The following GALNT18 variants were observed in gnomAD, a reference collection of about 807,000 sequenced individuals.
The protein encoded by GALNT18 is polypeptide N-acetylgalactosaminyltransferase 18.
GALNT18 carries 44 observed loss-of-function variants against 69.5 expected under a neutral mutation model. That is an observed-to-expected ratio of 0.63 (90% CI 0.50 to 0.81). The LOEUF is 0.81. Ranked by LOEUF, GALNT18 falls within the 40% of genes least tolerant of loss-of-function variation. GALNT18 has a pLI of 0.00. For missense variants in GALNT18, 715 were observed against 810.0 expected (o/e 0.88, Z 1.42); for synonymous variants, 364 against 318.2 (o/e 1.14, Z -1.53).
chr11:11,609,954 G>A (rs953835583), intron 1 of GALNT18, among the ~76,000 whole-genome samples: 1 of 152,162 alleles, frequency 6.6e-6, no homozygotes, highest in African/African-American at 2.4e-5. Context: ...TGTGGCCTGA[G>A]TGAGTGGAGG....
chr11:11,604,762 C>G lies in GALNT18; in HGVS notation c.235+16597G>C, dbSNP rs1414768950. 6.6e-6 allele frequency among the ~76,000 whole-genome samples: 1 copy of G among 152,146 alleles called. No homozygotes were observed. On this transcript the variant is annotated intron_variant, in intron 1 of 10. Coordinates refer to ENST00000227756, the MANE Select transcript of GALNT18 (RefSeq NM_198516.3). The surrounding 1 kb of genome is among the most constrained non-coding windows in gnomAD (Gnocchi z 5.6). ...CCCAGGGAAGAATCAGCCTCAATGA[C>G]AGTTTGGTATTAACTAGCTCAGCCA...
rs936338778 is a variant in GALNT18 at position 11,584,990 on chromosome 11, T to C, written c.235+36369A>G. Among the ~76,000 whole-genome samples, 1 of 152,162 alleles carries C rather than the reference T, an allele frequency of 6.6e-6. No homozygotes were observed. The highest frequency in any genetic ancestry group is 2.4e-5 in the African/African-American group (1 of 41,440). ...ATGAGCTTGACGGCTTCCCAACACC[T>C]AAAGACTTCTGATGATATAAATGGT... is the stretch of plus-strand genomic sequence containing the variant. On this transcript the variant is annotated intron_variant, in intron 1 of 10. Transcript: ENST00000227756. This position sits in a 1 kb window ranked among gnomAD's most constrained non-coding sequence, Gnocchi z 4.1.
At chr11:11,390,231 C>T (rs1489320704) in intron 3 of GALNT18, among the ~76,000 whole-genome samples, 3 of 152,168 alleles carry the variant, frequency 2.0e-5, no homozygotes, top group Admixed American at 1.3e-4. Context: ...ACTGTGTGCT[C>T]GTCATTTTCC....
chr11:11,508,750 C>T (rs1365887328), intron 1 of GALNT18, among the ~76,000 whole-genome samples: 7 of 152,192 alleles, frequency 4.6e-5, no homozygotes, highest in Admixed American at 2.0e-4. Context: ...GATGCACTTA[C>T]AGGATAGAAC....
Position 11,621,417 on chromosome 11 carries a change from A to G in GALNT18, c.177T>C (p.Thr59=), listed in dbSNP as rs374576632. ...DKKLEEDKGD[T]LKIIERLDHL... ...GGTCCAGCCGCTCAATAATCTTCAG[A>G]GTGTCCCCTTTGTCTTCCTCCAGCT... Residue 59 remains threonine, a synonymous_variant, in exon 1 of 11, where the codon ACT becomes ACC. Transcript: ENST00000227756. The surrounding 1 kb of genome is among the most constrained non-coding windows in gnomAD (Gnocchi z 9.3). 1.9e-6 allele frequency: 3 copies of G among 1,613,888 alleles called. No individual in the cohort carries two copies. Among genetic ancestry groups the G allele is most frequent in the African/African-American group, 1.3e-5 (1 of 74,886 alleles).
chr11:11,291,875 C>G (rs1345699863), intron 10 of GALNT18, among the ~76,000 whole-genome samples: 1 of 152,182 alleles, frequency 6.6e-6, no homozygotes, highest in African/African-American at 2.4e-5. Context: ...ATTCTGCACA[C>G]CCAGACCACA....
chr11:11,538,681 T>G lies in GALNT18; in HGVS notation c.235+82678A>C, dbSNP rs1182761834. 6.6e-6 allele frequency among the ~76,000 whole-genome samples: 1 copy of G among 152,084 alleles called. No individual in the cohort carries two copies. Among genetic ancestry groups the G allele is most frequent in the East Asian group, 1.9e-4 (1 of 5,178 alleles). ...CTAGAGGTGCCTCCCGGAGCTCTGGTTTCCCAGTCAGTAAATGGGGACCTT... is the reference window on the plus strand; with the variant it reads ...CTAGAGGTGCCTCCCGGAGCTCTGGGTTCCCAGTCAGTAAATGGGGACCTT... On this transcript the variant is annotated intron_variant, in intron 1 of 10. Transcript: ENST00000227756. This position sits in a 1 kb window ranked among gnomAD's most constrained non-coding sequence, Gnocchi z 5.2.
intron 9 of GALNT18, among the ~76,000 whole-genome samples, chr11:11,293,822 C>T (rs578005278): frequency 3.3e-5 from 5 of 152,274 alleles, no homozygotes; most frequent in African/African-American, 1.2e-4. Context: ...GCCTGATTTC[C>T]TCCCTTCATA....
At chr11:11,310,981 A>T (rs1186450142) in intron 9 of GALNT18, among the ~76,000 whole-genome samples, 1 of 152,176 alleles carries the variant, frequency 6.6e-6, no homozygotes, top group African/African-American at 2.4e-5. Flanking sequence ...CCCAAATCCC[A>T]GAGCTTCTTT....
At chr11:11,289,401 G>T (rs1279183324) in intron 10 of GALNT18, among the ~76,000 whole-genome samples, 2 of 152,218 alleles carry the variant, frequency 1.3e-5, no homozygotes, top group Non-Finnish European at 2.9e-5. Flanking sequence ...CAAAGTGGCT[G>T]AAAACTGCCC....
intron 1 of GALNT18, among the ~76,000 whole-genome samples, chr11:11,610,526 A>G (rs1470193601): frequency 2.0e-5 from 3 of 152,302 alleles, no homozygotes; most frequent in Admixed American, 6.5e-5. Context: ...CTATTTTTCT[A>G]TAGTCCTTCC....
chr11:11,563,517 C>T lies in GALNT18; in HGVS notation c.235+57842G>A, dbSNP rs1455729097. Among the ~76,000 whole-genome samples, 6 of 152,298 alleles carry T rather than the reference C, an allele frequency of 3.9e-5. No homozygotes were observed. The East Asian group carries it at 1.2e-3, about 29-fold the overall frequency. ...CTTAAGCTGAAAAAGGATTTAAATG[C>T]TCACATTTAACTGACATTCACAGTG... On this transcript the variant is annotated intron_variant, in intron 1 of 10. Coordinates refer to ENST00000227756, the MANE Select transcript of GALNT18 (RefSeq NM_198516.3). This position sits in a 1 kb window ranked among gnomAD's most constrained non-coding sequence, Gnocchi z 4.6.
intron 7 of GALNT18, among the ~76,000 whole-genome samples, chr11:11,333,230 T>C (rs1850050740): frequency 6.6e-6 from 1 of 152,042 alleles, no homozygotes; most frequent in African/African-American, 2.4e-5. Flanking sequence ...GGAAAAAGCA[T>C]TGAGATGAAA....
intron 1 of GALNT18, among the ~76,000 whole-genome samples, chr11:11,464,114 T>C (rs886245621): frequency 5.9e-5 from 9 of 152,236 alleles, no homozygotes; most frequent in African/African-American, 1.4e-4. Context: ...CTGTCAGCCA[T>C]GGGCTTTGAA....
rs539519052 is a variant in GALNT18, at chr11:11,542,110, C to G, written c.235+79249G>C. On this transcript the variant is annotated intron_variant, in intron 1 of 10. Coordinates refer to ENST00000227756, the MANE Select transcript of GALNT18 (RefSeq NM_198516.3). This position sits in a 1 kb window ranked among gnomAD's most constrained non-coding sequence, Gnocchi z 4.3. ...AGGCTGCAGAGGGTTCCACGCACCC[C>G]GCTCCTCACCCACAAGCTAGTGGGT... Among the ~76,000 whole-genome samples the G allele has an allele frequency of 1.1e-4, 16 of 152,308 alleles. No homozygotes were observed. In the South Asian group the frequency reaches 2.9e-3, roughly 28 times the overall value.
At chr11:11,370,588 G>GA (rs67012287) in intron 6 of GALNT18, among the ~76,000 whole-genome samples, 2,037 of 145,610 alleles carry the variant, frequency 0.014, 46 homozygotes, top group African/African-American at 0.046. Context: ...AGAGATGGAG[G>GA]AAAAAAAAAA....
chr11:11,553,117 C>T, intron 1 of GALNT18, among the ~76,000 whole-genome samples: 1 of 152,324 alleles, frequency 6.6e-6, no homozygotes. Flanking sequence ...AAATGATATA[C>T]CCACTGAAGC....
intron 1 of GALNT18, among the ~76,000 whole-genome samples, chr11:11,482,384 C>G (rs1856550357): frequency 6.6e-6 from 1 of 152,242 alleles, no homozygotes. Context: ...GCCCACAGAC[C>G]CCTGGAGCCA....
Position 11,385,591 on chromosome 11 carries a change from G to A in GALNT18, c.596-6327C>T, listed in dbSNP as rs886605577. On this transcript the variant is annotated intron_variant, in intron 3 of 10. Coordinates refer to ENST00000227756, the MANE Select transcript of GALNT18 (RefSeq NM_198516.3). ...ATTACAGGTGTGAGCCACCATGCCC[G>A]GCCTATTGGGGATCAAATTTTAACA... 4.6e-5 allele frequency among the ~76,000 whole-genome samples: 7 copies of A among 151,998 alleles called. No homozygotes were observed. The East Asian group carries it at 5.8e-4, about 13-fold the overall frequency.
Sources: gnomAD v4.1 joint callset for allele counts (sites outside exome capture counted in the v4.1 genomes callset) on GRCh38, gnomAD v4.1.1 for gene constraint, Gnocchi (gnomAD v3.1) non-coding constraint, MANE v1.5 for transcripts, NCBI Gene and HGNC (gene_info 2026-07-23, HGNC 2026-07-21) for gene names.